Variants in PPIL4 observed in about 807,000 individuals in gnomAD.
PPIL4 encodes peptidylprolyl isomerase like 4.
Under a neutral mutation model 69.1 loss-of-function variants are expected in PPIL4, and 50 were observed. That is an observed-to-expected ratio of 0.72 (90% CI 0.58 to 0.92). The LOEUF is 0.92. Among genes scored for constraint, PPIL4 ranks in the 40% least tolerant of loss-of-function variants. PPIL4 has a pLI of 0.00. For missense variants in PPIL4, 480 were observed against 587.9 expected, an observed-to-expected ratio of 0.82 and a Z score of 1.90; for synonymous variants, 193 against 191.6, an observed-to-expected ratio of 1.01 and a Z score of -0.06.
chr6:149,517,391 T>C lies in PPIL4; in HGVS notation c.1042A>G (p.Asn348Asp). The change falls in exon 11 of 13, where the codon AAT becomes GAT. Residue 348 changes from asparagine to aspartate, a missense_variant. Transcript: ENST00000253329. ...EYEKEQDKPP[N>D]LVLKDKVKPK... ...TTTACTTTATCTTTCAGAACCAAATTAGGTGGTTTATCCTGTTCTTTTTCA... is the reference window on the plus strand; with the variant it reads ...TTTACTTTATCTTTCAGAACCAAATCAGGTGGTTTATCCTGTTCTTTTTCA... 6.2e-7 allele frequency: 1 copy of C among 1,607,436 alleles called. No homozygotes were observed. The highest frequency in any genetic ancestry group is 8.5e-7 in the Non-Finnish European group (1 of 1,174,660).
At chr6:149,510,738 G>A (rs62442793) in intron 12 of PPIL4, among the ~76,000 whole-genome samples, 29,657 of 151,594 alleles carry the variant, frequency 0.2, 4,404 homozygotes, top group East Asian at 0.77. Context: ...GCAAAACTCC[G>A]TCTCAAAAAA....
intron 3 of PPIL4, 72 bp from the exon 4 acceptor site, chr6:149,541,131 G>A: frequency 2.6e-6 from 2 of 769,444 alleles, no homozygotes; most frequent in Middle Eastern, 2.4e-4. Context: ...TAACATACAG[G>A]GTTATCAATT....
chr6:149,537,824 TG>T (rs1182650852), intron 4 of PPIL4, among the ~76,000 whole-genome samples: 1 of 152,240 alleles, frequency 6.6e-6, no homozygotes. Context: ...TTAAGATCAC[TG>T]TTGAGACCTG....
At position 149,526,202 on chromosome 6, in the gene PPIL4, A is replaced by G. The variant is rs56011199; in HGVS notation, c.803+450T>C. On this transcript the variant is annotated intron_variant, in intron 8 of 12. Transcript: ENST00000253329. ...CAATTACAAAATAGTCCCCTTCCTC[A>G]CAGAAATACTAGCTTCATAGACTTT... is the stretch of plus-strand genomic sequence containing the variant. Among the ~76,000 whole-genome samples, 1,152 of 152,336 alleles carry G rather than the reference A, an allele frequency of 7.6e-3. 10 individuals carry two copies. Among genetic ancestry groups the G allele is most frequent in the Non-Finnish European group, 0.012 (809 of 68,036 alleles).
At chr6:149,534,405 T>C (rs1777243126) in intron 6 of PPIL4, among the ~76,000 whole-genome samples, 2 of 152,144 alleles carry the variant, frequency 1.3e-5, no homozygotes, top group Non-Finnish European at 2.9e-5. Context: ...TTTAATTTGA[T>C]GACAAGAAAA....
intron 11 of PPIL4, among the ~76,000 whole-genome samples, chr6:149,516,286 T>C (rs17087543): frequency 0.067 from 10,182 of 152,264 alleles, 798 homozygotes; most frequent in African/African-American, 0.19. Flanking sequence ...TCTTATTTGG[T>C]CTGTCTGCAT....
intron 10 of PPIL4, 70 bp downstream of exon 10, chr6:149,520,990 G>A (rs369941197): frequency 2.4e-6 from 2 of 819,778 alleles, no homozygotes; most frequent in African/African-American, 1.8e-5. Flanking sequence ...TCCAGCCTGG[G>A]CAACAGAGCG....
Position 149,517,136 on chromosome 6 carries a change from C to T in PPIL4, c.1079+218G>A, listed in dbSNP as rs529284443. 310 of 360,474 alleles carry T rather than the reference C, an allele frequency of 8.6e-4. 1 individual carries two copies. In the East Asian group the frequency reaches 0.014, roughly 16 times the overall value. 22.3% of individuals were successfully genotyped at this position (360,474 alleles called of 1,614,324 possible). A position where few individuals can be genotyped will look rare whatever the true frequency, so the allele number is the denominator to read the frequency against. ...AATTAGGCTACAGATTTCTTTCAAC[C>T]TTAACTTTCTCCATACACTAGAGTA... is the stretch of plus-strand genomic sequence containing the variant. On this transcript the variant is annotated intron_variant, in intron 11 of 12. Coordinates refer to ENST00000253329, the MANE Select transcript of PPIL4 (RefSeq NM_139126.4).
chr6:149,545,580 T>C (rs1348793504), intron 1 of PPIL4, among the ~76,000 whole-genome samples: 1 of 152,124 alleles, frequency 6.6e-6, no homozygotes, highest in Non-Finnish European at 1.5e-5. Context: ...AGTTCCTATG[T>C]TCCTCTCACG....
chr6:149,513,277 C>T (rs1776883828), intron 11 of PPIL4, among the ~76,000 whole-genome samples: 1 of 143,380 alleles, frequency 7.0e-6, no homozygotes, highest in Non-Finnish European at 1.5e-5. Flanking sequence ...CCCAGCTACT[C>T]GGGAGGCTGA....
intron 8 of PPIL4, 111 bp from the exon 9 acceptor site, chr6:149,525,320 A>C: frequency 1.8e-6 from 1 of 562,160 alleles, no homozygotes; most frequent in South Asian, 2.5e-5. Flanking sequence ...AGGCAAAGTT[A>C]AATTCATAGA....
chr6:149,531,733 G>A (rs779850033), intron 7 of PPIL4, among the ~76,000 whole-genome samples: 6 of 151,914 alleles, frequency 3.9e-5, no homozygotes, highest in Non-Finnish European at 7.4e-5. Flanking sequence ...GCAATGGCGC[G>A]ATCTCGGCTC....
intron 4 of PPIL4, among the ~76,000 whole-genome samples, chr6:149,538,500 T>C (rs1777313211): frequency 1.3e-5 from 2 of 152,144 alleles, no homozygotes; most frequent in Admixed American, 1.3e-4. Context: ...TGTGAGGCTA[T>C]AGCTGCCATA....
At chr6:149,538,762 G>T (rs1202812541) in intron 4 of PPIL4, among the ~76,000 whole-genome samples, 1 of 152,186 alleles carries the variant, frequency 6.6e-6, no homozygotes, top group Non-Finnish European at 1.5e-5. Flanking sequence ...AGAGCCTGAA[G>T]ATGGGACTGA....
intron 7 of PPIL4, among the ~76,000 whole-genome samples, chr6:149,527,403 A>G (rs147923461): frequency 5.3e-5 from 8 of 152,330 alleles, no homozygotes; most frequent in African/African-American, 1.4e-4. Context: ...AAAAGGTTAA[A>G]CAAGTAACTT....
chr6:149,526,707 C>T lies in PPIL4; in HGVS notation c.748G>A (p.Val250Met), dbSNP rs1270994714. ...NVLFVCKLNP[V>M]TTDEDLEIIF... is the part of the protein sequence containing the mutation. ...ATTTCCAGATCCTCATCTGTGGTCA[C>T]TGGGTTCAATTTACACACAAACAGT... is the stretch of plus-strand genomic sequence containing the variant. Residue 250 changes from valine (V) to methionine (M), a missense_variant, in exon 8 of 13, where the codon GTG becomes ATG. Val to Met is a conservative substitution (Grantham distance 21, BLOSUM62 1). Coordinates refer to ENST00000253329, the MANE Select transcript of PPIL4 (RefSeq NM_139126.4). 1.2e-6 allele frequency: 2 copies of T among 1,612,340 alleles called. No individual in the cohort carries two copies. The highest frequency in any genetic ancestry group is 1.7e-6 in the Non-Finnish European group (2 of 1,178,750).
At chr6:149,520,981 C>G (rs1489601832) in intron 10 of PPIL4, 79 bp downstream of exon 10, 21 of 778,722 alleles carry the variant, frequency 2.7e-5, no homozygotes, top group Non-Finnish European at 3.0e-5. Context: ...CCACTGCACT[C>G]CAGCCTGGGC....
chr6:149,522,568 A>C (rs1777044841), intron 9 of PPIL4, among the ~76,000 whole-genome samples: 3 of 152,116 alleles, frequency 2.0e-5, no homozygotes, highest in Admixed American at 1.3e-4. Flanking sequence ...TTTTTTTATT[A>C]TTTTTTTCAT....
intron 10 of PPIL4, among the ~76,000 whole-genome samples, chr6:149,520,645 G>A (rs1777016005): frequency 6.6e-6 from 1 of 151,950 alleles, no homozygotes; most frequent in Non-Finnish European, 1.5e-5. Context: ...AATTACAAAT[G>A]GCAGGAGTTA....
Sources: allele counts gnomAD v4.1 joint callset (sites outside exome capture counted in the v4.1 genomes callset), GRCh38; gene constraint gnomAD v4.1.1; transcripts MANE v1.5; gene names NCBI Gene and HGNC (gene_info 2026-07-23, HGNC 2026-07-21).